CCDC59: variants seen among roughly 807,000 people sequenced by gnomAD.
CCDC59 encodes the protein thyroid transcription factor 1-associated protein 26.
A neutral mutation model predicts 30.5 loss-of-function variants in CCDC59; 27 were observed. That is an observed-to-expected ratio of 0.89 (90% confidence interval 0.65 to 1.22). The LOEUF (loss-of-function observed/expected upper bound fraction) is 1.22. Ranked by LOEUF, CCDC59 falls within the 50% of genes most tolerant of loss-of-function variation. The pLI, the probability that CCDC59 is intolerant of heterozygous loss-of-function variation, is 0.00. For synonymous variants in CCDC59, 125 were observed against 100.9 expected (o/e 1.24, Z -1.43); for missense variants, 362 against 284.4 (o/e 1.27, Z -1.96).
Position 82,352,689 on chromosome 12 carries a change from C to T in CCDC59, c.*462G>A, listed in dbSNP as rs907612690. 3.9e-5 allele frequency: 6 copies of T among 153,286 alleles called. 1 individual carries two copies. Among genetic ancestry groups the T allele is most frequent in the Admixed American group, 3.9e-4 (6 of 15,402 alleles). The allele number at this position is 153,286 out of a possible 1,614,324, so 9.5% of individuals were successfully genotyped here. ...GTTATATGGTGAGGGCAGTTTATTT[C>T]AGCACCCATCACCCTGTAACATGTA... On this transcript the variant is annotated 3_prime_UTR_variant, in exon 4 of 4. Coordinates refer to ENST00000256151, the MANE Select transcript of CCDC59 (RefSeq NM_014167.5).
At chr12:82,356,657 T>C (rs971478919) in intron 2 of CCDC59, among the ~76,000 whole-genome samples, 5 of 152,198 alleles carry the variant, frequency 3.3e-5, no homozygotes, top group African/African-American at 4.8e-5. Flanking sequence ...CTCTCAGAAG[T>C]TATTTTTCAA....
At chr12:82,353,986 G>A (rs974057144) in intron 3 of CCDC59, among the ~76,000 whole-genome samples, 5 of 150,614 alleles carry the variant, frequency 3.3e-5, no homozygotes, top group African/African-American at 7.3e-5. Flanking sequence ...CTAAATAATA[G>A]AGTGCTAACT....
rs765655707 is a variant in CCDC59, at chr12:82,357,313, AGTT to A, written c.155-47_155-45del. ...TCCAAAATTACTTTCAGAGAAAAGA[AGTT>A]GAACGAAGAATGGAGCTGTTAATTA... On this transcript the variant is annotated intron_variant, in intron 1 of 3. Transcript: ENST00000256151. 45 of 1,517,746 alleles carry A rather than the reference AGTT, an allele frequency of 3.0e-5. No individual in the cohort carries two copies. The African/African-American group carries it at 6.0e-4, about 20-fold the overall frequency. The allele number at this position is 1,517,746 out of a possible 1,614,324, so 94.0% of individuals were successfully genotyped here.
intron 3 of CCDC59, among the ~76,000 whole-genome samples, chr12:82,353,988 G>A (rs1880914395): frequency 6.7e-6 from 1 of 149,854 alleles, no homozygotes; most frequent in Non-Finnish European, 1.5e-5. Flanking sequence ...AAATAATAGA[G>A]TGCTAACTTT....
intron 1 of CCDC59, among the ~76,000 whole-genome samples, chr12:82,357,795 G>A (rs1472674483): frequency 6.6e-6 from 1 of 152,172 alleles, no homozygotes; most frequent in African/African-American, 2.4e-5. Context: ...AGACCTTACA[G>A]ACAGCAATAC....
intron 3 of CCDC59, among the ~76,000 whole-genome samples, chr12:82,354,020 GT>G (rs34312454): frequency 0.85 from 127,084 of 149,336 alleles, 54,264 homozygotes; most frequent in East Asian, 0.99. Flanking sequence ...AATAATAGTT[GT>G]TTTTTTTTTT....
upstream of CCDC59, chr12:82,358,779 C>T (rs1288656722): frequency 1.2e-6 from 2 of 1,613,662 alleles, no homozygotes; most frequent in African/African-American, 1.3e-5. Context: ...GACGGAGGCC[C>T]TGCCCTCAGA....
rs1210971983 is a variant in CCDC59 at position 82,357,271 on chromosome 12, T to C, written c.155-2A>G. Reference sequence around the variant, plus strand: ...TTCTTCGAAAAGCAAAGCCTTGTCCTACATTGAGGAATATCATCCAAAATT... The same window carrying C: ...TTCTTCGAAAAGCAAAGCCTTGTCCCACATTGAGGAATATCATCCAAAATT... On this transcript the variant is annotated splice_acceptor_variant, in intron 1 of 3. Coordinates refer to ENST00000256151, the MANE Select transcript of CCDC59 (RefSeq NM_014167.5). LOFTEE classifies it high-confidence loss of function. 2.7e-5 allele frequency: 40 copies of C among 1,508,890 alleles called. No homozygotes were observed. The Admixed American group carries it at 8.1e-4, about 31-fold the overall frequency. 93.5% of individuals were successfully genotyped at this position (1,508,890 alleles called of 1,614,324 possible).
Position 82,353,264 on chromosome 12 carries a change from T to C in CCDC59, c.613A>G (p.Lys205Glu). ...QEREEAQRQY[K>E]KKKMEVFKIL... Reference sequence around the variant, plus strand: ...TTAAACACTTCCATTTTCTTCTTTTTGTACTGCCTTTGGGCTTCTTCTCTC... The same window carrying C: ...TTAAACACTTCCATTTTCTTCTTTTCGTACTGCCTTTGGGCTTCTTCTCTC... The change falls in exon 4 of 4, where the codon AAA becomes GAA. Residue 205 changes from lysine (K) to glutamate (E), a missense_variant. Lys to Glu is a moderately conservative substitution (Grantham distance 56). Coordinates refer to ENST00000256151, the MANE Select transcript of CCDC59 (RefSeq NM_014167.5). 1.2e-6 allele frequency: 2 copies of C among 1,613,094 alleles called. No individual in the cohort carries two copies. The highest frequency in any genetic ancestry group is 1.7e-6 in the Non-Finnish European group (2 of 1,179,546).
In CCDC59 at chr12:82,354,607, G is replaced by A; in HGVS notation, c.465-13C>T. 6.4e-7 allele frequency: 1 copy of A among 1,558,216 alleles called. No individual in the cohort carries two copies. Among genetic ancestry groups the A allele is most frequent in the Non-Finnish European group, 8.7e-7 (1 of 1,150,274 alleles). ...AATTGTAAAGGAGCTTTTAATTGGG[G>A]GATGAGGAAACAGGACTTTATTAGT... On this transcript the variant is annotated splice_polypyrimidine_tract_variant and intron_variant, in intron 2 of 3. Transcript: ENST00000256151.
chr12:82,353,075 A>T lies in CCDC59; in HGVS notation c.*76T>A. ...CAATCCAGTTTATGTCGACAAATTT[A>T]GTTCACTGCTGGGAGGCACATGTCA... On this transcript the variant is annotated 3_prime_UTR_variant, in exon 4 of 4. Coordinates refer to ENST00000256151, the MANE Select transcript of CCDC59 (RefSeq NM_014167.5). 1 of 1,131,240 alleles carries T rather than the reference A, an allele frequency of 8.8e-7. No homozygotes were observed. Among genetic ancestry groups the T allele is most frequent in the Non-Finnish European group, 1.2e-6 (1 of 800,236 alleles). 70.1% of individuals were successfully genotyped at this position (1,131,240 alleles called of 1,614,324 possible). A position where few individuals can be genotyped will look rare whatever the true frequency, so the allele number is the denominator to read the frequency against.
At position 82,358,367 on chromosome 12, in the gene CCDC59, C is replaced by A; in HGVS notation, c.10G>T (p.Val4Leu). Residue 4 changes from valine (V) to leucine (L), a missense_variant, in exon 1 of 4, where the codon GTG becomes TTG. Val to Leu is a conservative substitution (Grantham distance 32). Transcript: ENST00000256151. ...GGCCGCCACTTCGCGGACCGCCTCA[C>A]CGGCGCCATTGCAGCCGACTAACTG... MAP[V>L]RRSAKWRPGG... 6.2e-7 allele frequency: 1 copy of A among 1,613,546 alleles called. No individual in the cohort carries two copies. Among genetic ancestry groups the A allele is most frequent in the Non-Finnish European group, 8.5e-7 (1 of 1,180,038 alleles).
At chr12:82,358,073 G>T in intron 1 of CCDC59, 150 bp downstream of exon 1, 1 of 811,470 alleles carries the variant, frequency 1.2e-6, no homozygotes, top group Non-Finnish European at 1.9e-6. Flanking sequence ...GCTCTGCGAA[G>T]CTCACAGCTT....
rs1214929278 is a variant in CCDC59, at chr12:82,358,348, C to T, written c.29G>A (p.Trp10Ter). 1 of 1,613,964 alleles carries T rather than the reference C, an allele frequency of 6.2e-7. No homozygotes were observed. The highest frequency in any genetic ancestry group is 8.5e-7 in the Non-Finnish European group (1 of 1,180,028). The change falls in exon 1 of 4, where the codon TGG becomes TAG. Residue 10 changes from tryptophan to a stop codon, truncating the protein, a stop_gained. Coordinates refer to ENST00000256151, the MANE Select transcript of CCDC59 (RefSeq NM_014167.5). LOFTEE classifies it high-confidence loss of function. ...ACGCGCCTCAATACCACCAGGCCGC[C>T]ACTTCGCGGACCGCCTCACCGGCGC... MAPVRRSAK[W>*]RPGGIEARGE...
chr12:82,358,761 G>A, upstream of CCDC59: 12 of 1,614,016 alleles, frequency 7.4e-6, no homozygotes, highest in Non-Finnish European at 1.0e-5. Context: ...GAGGAAGTCA[G>A]CGTCGGAGAC....
upstream of CCDC59, chr12:82,358,649 G>C (rs1259826060): frequency 6.2e-7 from 1 of 1,614,134 alleles, no homozygotes; most frequent in East Asian, 2.2e-5. Context: ...AGTTCCTGAG[G>C]GATGCCCTGT....
intron 1 of CCDC59, chr12:82,357,474 A>G (rs1006311150): frequency 5.2e-6 from 3 of 575,268 alleles, no homozygotes; most frequent in Non-Finnish European, 9.2e-6. Context: ...AGACCAGGCT[A>G]ACAGTCATGC....
chr12:82,355,622 C>T (rs1000132815), intron 2 of CCDC59: 2 of 152,184 alleles, frequency 1.3e-5, no homozygotes, highest in Non-Finnish European at 2.9e-5. Context: ...AAGTAAAAGA[C>T]ATTAACAGAA....
At chr12:82,353,363 G>C in intron 3 of CCDC59, 51 bp from the exon 4 acceptor site, 2 of 1,423,022 alleles carry the variant, frequency 1.4e-6, no homozygotes, top group Admixed American at 2.3e-5. Context: ...AGTAGATACA[G>C]TTCAGAAATT....
Sources: allele counts gnomAD v4.1 joint callset (sites outside exome capture counted in the v4.1 genomes callset), GRCh38; gene constraint gnomAD v4.1.1; transcripts MANE v1.5; gene names NCBI Gene and HGNC (gene_info 2026-07-23, HGNC 2026-07-21).